The following GOLGA4 variants were observed in gnomAD, a reference collection of about 807,000 sequenced individuals.
The protein encoded by GOLGA4 is golgin A4, also known as golgin subfamily A member 4.
In GOLGA4, 169 loss-of-function variants were observed where a neutral mutation model predicts 265.9. The observed-to-expected ratio is 0.64, with a 90% confidence interval of 0.56 to 0.72. The LOEUF (loss-of-function observed/expected upper bound fraction) is 0.72, where lower values mean the gene tolerates loss of function less well. Ranked by LOEUF, GOLGA4 falls within the 30% of genes least tolerant of loss-of-function variation. GOLGA4 has a pLI of 0.00. For missense variants in GOLGA4, 2,482 were observed against 2,483.4 expected, an observed-to-expected ratio of 1.00 and a Z score of 0.01; for synonymous variants, 923 against 855.8, an observed-to-expected ratio of 1.08 and a Z score of -1.37.
At chr3:37,303,898 G>A (rs547411546) in intron 10 of GOLGA4, among the ~76,000 whole-genome samples, 3 of 152,228 alleles carry the variant, frequency 2.0e-5, no homozygotes, top group Admixed American at 6.5e-5. Flanking sequence ...ATCCTCACAA[G>A]TGTATGAAAT....
chr3:37,278,314 C>T (rs2096825123), intron 2 of GOLGA4, among the ~76,000 whole-genome samples: 1 of 151,948 alleles, frequency 6.6e-6, no homozygotes, highest in Admixed American at 6.6e-5. Context: ...ATTTTCATGC[C>T]TCAGCCTCCT....
chr3:37,364,675 C>A lies in GOLGA4; in HGVS notation c.*34-1405C>A, dbSNP rs182294402. On this transcript the variant is annotated intron_variant, in intron 23 of 23. Coordinates refer to ENST00000361924, the MANE Select transcript of GOLGA4 (RefSeq NM_002078.5). ...GAACACAGTTCACTGCAGCCTTGACCTCCTGGGCTCAAGGAATCCTCCCGC... is the reference window on the plus strand; with the variant it reads ...GAACACAGTTCACTGCAGCCTTGACATCCTGGGCTCAAGGAATCCTCCCGC... Among the ~76,000 whole-genome samples, 671 of 151,482 alleles carry A rather than the reference C, an allele frequency of 4.4e-3. 3 individuals carry two copies. Among genetic ancestry groups the A allele is most frequent in the African/African-American group, 0.015 (634 of 41,232 alleles).
At position 37,281,940 on chromosome 3, in the gene GOLGA4, G is replaced by C; in HGVS notation, c.163-18G>C. On this transcript the variant is annotated intron_variant, in intron 2 of 23. Coordinates refer to ENST00000361924, the MANE Select transcript of GOLGA4 (RefSeq NM_002078.5). The stretch of plus-strand genomic sequence containing the variant: ...GTATGTATTTTAATCCACACATTCT[G>C]TTGGGTTTTGGTTGCAGTCAGGTGA... The C allele has an allele frequency of 6.3e-7, 1 of 1,587,700 alleles. No homozygotes were observed. Among genetic ancestry groups the C allele is most frequent in the South Asian group, 1.1e-5 (1 of 89,004 alleles).
chr3:37,261,127 C>T (rs566320204), intron 2 of GOLGA4, among the ~76,000 whole-genome samples: 14 of 151,528 alleles, frequency 9.2e-5, no homozygotes, highest in South Asian at 4.2e-4. Context: ...GCCATGACTG[C>T]GCCACCGCAC....
chr3:37,250,925 A>C (rs1311684304), intron 1 of GOLGA4, among the ~76,000 whole-genome samples: 2 of 152,144 alleles, frequency 1.3e-5, no homozygotes, highest in Non-Finnish European at 2.9e-5. Context: ...TGTGCATTTC[A>C]TACTATTGAA....
chr3:37,315,296 C>T, intron 10 of GOLGA4, 124 bp from the exon 11 acceptor site: 2 of 785,482 alleles, frequency 2.5e-6, no homozygotes, highest in East Asian at 2.7e-5. Flanking sequence ...TGGCTTAGAA[C>T]AGTGATGAGT....
intron 1 of GOLGA4, among the ~76,000 whole-genome samples, chr3:37,246,657 T>C (rs1445796935): frequency 6.6e-6 from 1 of 152,142 alleles, no homozygotes; most frequent in African/African-American, 2.4e-5. Flanking sequence ...AGAGTTTTAG[T>C]TTGGAAAGAT....
chr3:37,336,835 A>G (rs761698398), intron 17 of GOLGA4, among the ~76,000 whole-genome samples: 4 of 152,024 alleles, frequency 2.6e-5, no homozygotes, highest in Non-Finnish European at 4.4e-5. Flanking sequence ...AGAAAACTTA[A>G]TTTTTATTTC....
At chr3:37,336,774 A>AAGAG (rs941227242) in intron 17 of GOLGA4, among the ~76,000 whole-genome samples, 1 of 150,196 alleles carries the variant, frequency 6.7e-6, no homozygotes, top group Non-Finnish European at 1.5e-5. Flanking sequence ...GAAAGAGAGA[A>AAGAG]AGAGAGAGAG....
intron 23 of GOLGA4, among the ~76,000 whole-genome samples, chr3:37,363,646 T>G (rs1696513770): frequency 6.6e-6 from 1 of 152,242 alleles, no homozygotes; most frequent in Non-Finnish European, 1.5e-5. Flanking sequence ...TACTTTAGCA[T>G]GTATCTTTAA....
chr3:37,302,224 A>T lies in GOLGA4; in HGVS notation c.1126A>T (p.Thr376Ser). The change falls in exon 10 of 24, where the codon ACC becomes TCC. Residue 376 changes from threonine to serine, a missense_variant. By Grantham distance (58) the Thr-to-Ser change is moderately conservative. Coordinates refer to ENST00000361924, the MANE Select transcript of GOLGA4 (RefSeq NM_002078.5). ...IAETKRQMHE[T>S]LEMKEEEIAQ... ...AGAGACAAAACGTCAGATGCATGAA[A>T]CCCTGGAAATGAAAGAAGAAGAAAT... 6.2e-7 allele frequency: 1 copy of T among 1,613,310 alleles called. No homozygotes were observed. The highest frequency in any genetic ancestry group is 8.5e-7 in the Non-Finnish European group (1 of 1,179,380).
At chr3:37,347,321 G>C in intron 21 of GOLGA4, 25 bp downstream of exon 21, 1 of 1,266,294 alleles carries the variant, frequency 7.9e-7, no homozygotes, top group Non-Finnish European at 1.2e-6. Context: ...TCGTGATTTG[G>C]TGTGTGGCTT....
At chr3:37,356,150 T>G (rs2097090401) in intron 22 of GOLGA4, among the ~76,000 whole-genome samples, 1 of 152,142 alleles carries the variant, frequency 6.6e-6, no homozygotes, top group African/African-American at 2.4e-5. Flanking sequence ...CACCTATTTG[T>G]TCTGGTTCTA....
rs140543175 is a variant in GOLGA4, at chr3:37,357,983, A to G, written c.6663+2796A>G. On this transcript the variant is annotated intron_variant, in intron 22 of 23. Coordinates refer to ENST00000361924, the MANE Select transcript of GOLGA4 (RefSeq NM_002078.5). The stretch of plus-strand genomic sequence containing the variant: ...ACTGTGCAGCTATGGTTTCACTTCT[A>G]TTAAAATCAGCAACCCTAAGTGTTT... Among the ~76,000 whole-genome samples, 1,050 of 152,298 alleles carry G rather than the reference A, an allele frequency of 6.9e-3. 8 individuals are homozygous for G. The highest frequency in any genetic ancestry group is 0.011 in the Non-Finnish European group (737 of 68,018).
At chr3:37,261,057 GCTA>G (rs1292958834) in intron 2 of GOLGA4, among the ~76,000 whole-genome samples, 1 of 151,496 alleles carries the variant, frequency 6.6e-6, no homozygotes, top group East Asian at 1.9e-4. Context: ...GTGGTCCCAA[GCTA>G]CTTAAGAGGC....
intron 2 of GOLGA4, among the ~76,000 whole-genome samples, chr3:37,260,947 G>T (rs1325743426): frequency 6.6e-6 from 1 of 151,552 alleles, no homozygotes; most frequent in Non-Finnish European, 1.5e-5. Context: ...CAGGAGGAAT[G>T]CTTGAACCCA....
At position 37,257,936 on chromosome 3, in the gene GOLGA4, C is replaced by T. The variant is rs1159034591; in HGVS notation, c.162+6452C>T. On this transcript the variant is annotated intron_variant, in intron 2 of 23. Transcript: ENST00000361924. ...ATATGTATGTATATATGTATATATACATACATATATATGTATGTATATATG... is the reference window on the plus strand; with the variant it reads ...ATATGTATGTATATATGTATATATATATACATATATATGTATGTATATATG... Among the ~76,000 whole-genome samples, 14 of 96,788 alleles carry T rather than the reference C, an allele frequency of 1.4e-4. 1 individual carries two copies. The highest frequency in any genetic ancestry group is 5.8e-4 in the African/African-American group (11 of 18,962). 63.5% of individuals were successfully genotyped at this position (96,788 alleles called of 152,430 possible). A position where few individuals can be genotyped will look rare whatever the true frequency, so the allele number is the denominator to read the frequency against.
intron 10 of GOLGA4, among the ~76,000 whole-genome samples, chr3:37,312,697 A>T (rs1450740447): frequency 1.3e-5 from 2 of 151,562 alleles, no homozygotes; most frequent in African/African-American, 2.4e-5. Flanking sequence ...CTAATTTTTA[A>T]TTTTTTTGTA....
Position 37,243,570 on chromosome 3 carries a change from A to C in GOLGA4, c.20A>C (p.Gln7Pro). 6.2e-7 allele frequency: 1 copy of C among 1,614,100 alleles called. No individual in the cohort carries two copies. The highest frequency in any genetic ancestry group is 8.5e-7 in the Non-Finnish European group (1 of 1,180,006). The change falls in exon 1 of 24, where the codon CAA becomes CCA. Residue 7 changes from glutamine to proline, a missense_variant. Gln to Pro is a moderately conservative substitution (Grantham distance 76, BLOSUM62 -1). This residue lies in a region of GOLGA4 where 1,536 missense variants were observed against 1,483.7 expected (regional missense o/e 1.04). Transcript: ENST00000361924. ...TGCGCCATGTTCAAGAAACTGAAGC[A>C]AAAGATCAGCGAGGAGCAGCAGCAG... MFKKLK[Q>P]KISEEQQQLQ...
Sources: allele counts gnomAD v4.1 joint callset (sites outside exome capture counted in the v4.1 genomes callset), GRCh38; gene constraint gnomAD v4.1.1; regional missense constraint gnomAD v4.1.1; transcripts MANE v1.5; gene names NCBI Gene and HGNC (gene_info 2026-07-23, HGNC 2026-07-21).